The following CIMIP7 variants were observed in gnomAD, a reference collection of about 807,000 sequenced individuals.
CIMIP7 encodes the protein ciliary microtubule inner protein 7.
the CIMIP7 span, chr3:49,177,844 G>A: frequency 3.1e-6 from 5 of 1,613,284 alleles, no homozygotes; most frequent in Non-Finnish European, 4.2e-6. Context: ...CCTGGTATGG[G>A]AAGGCTGGAC....
chr3:49,185,118 G>A, the CIMIP7 span, among the ~76,000 whole-genome samples: 18 of 151,856 alleles, frequency 1.2e-4, no homozygotes, highest in East Asian at 3.1e-3. Context: ...AAAATTAGCC[G>A]GGTGTGGTGG....
the CIMIP7 span, chr3:49,178,597 T>C: frequency 6.8e-7 from 1 of 1,463,374 alleles, no homozygotes; most frequent in Non-Finnish European, 9.5e-7. Flanking sequence ...TACCCACCCT[T>C]ACCTGGATCA....
the CIMIP7 span, among the ~76,000 whole-genome samples, chr3:49,184,884 C>T: frequency 1.1e-4 from 16 of 151,874 alleles, no homozygotes; most frequent in Non-Finnish European, 2.1e-4. Flanking sequence ...CCCACCTCGG[C>T]CTCCCAAGTG....
chr3:49,177,908 T>C, the CIMIP7 span: 1 of 1,613,874 alleles, frequency 6.2e-7, no homozygotes, highest in African/African-American at 1.3e-5. Flanking sequence ...GGGCCTGGCC[T>C]GAAATCAGCC....
At chr3:49,190,319 G>C in the CIMIP7 span, among the ~76,000 whole-genome samples, 1 of 152,100 alleles carries the variant, frequency 6.6e-6, no homozygotes, top group Admixed American at 6.6e-5. Context: ...GTATAGAAGT[G>C]TCTTCATCCA....
At chr3:49,184,471 G>T in the CIMIP7 span, among the ~76,000 whole-genome samples, 9 of 152,148 alleles carry the variant, frequency 5.9e-5, no homozygotes, top group East Asian at 1.7e-3. Context: ...ACAGGCATGT[G>T]CCACCACACT....
the CIMIP7 span, chr3:49,178,061 C>T: frequency 3.7e-5 from 58 of 1,572,202 alleles, no homozygotes; most frequent in Admixed American, 1.1e-4. Context: ...CCCTCCTCAA[C>T]GGTATGGGCC....
At chr3:49,185,999 CTTTTT>C in the CIMIP7 span, among the ~76,000 whole-genome samples, 4 of 129,250 alleles carry the variant, frequency 3.1e-5, no homozygotes, top group South Asian at 2.5e-4. Context: ...TTTTATAGCT[CTTTTT>C]TTTTTTTTTT....
At chr3:49,185,965 G>A in the CIMIP7 span, among the ~76,000 whole-genome samples, 191 of 150,954 alleles carry the variant, frequency 1.3e-3, 1 homozygote, top group African/African-American at 4.2e-3. Flanking sequence ...GATTATGGGC[G>A]TGAGTCACCG....
chr3:49,183,837 A>ACAGATGAAT, the CIMIP7 span, among the ~76,000 whole-genome samples: 1 of 152,244 alleles, frequency 6.6e-6, no homozygotes, highest in Non-Finnish European at 1.5e-5. Context: ...ATATCCTTTA[A>ACAGATGAAT]CAGATGAATG....
At chr3:49,190,322 T>C in the CIMIP7 span, among the ~76,000 whole-genome samples, 1 of 152,194 alleles carries the variant, frequency 6.6e-6, no homozygotes, top group East Asian at 1.9e-4. Flanking sequence ...TAGAAGTGTC[T>C]TCATCCATCA....
chr3:49,191,104 C>A, the CIMIP7 span, among the ~76,000 whole-genome samples: 1 of 152,196 alleles, frequency 6.6e-6, no homozygotes, highest in African/African-American at 2.4e-5. Flanking sequence ...TCCTATGGCC[C>A]AACCTCTTTG....
At chr3:49,190,588 C>T in the CIMIP7 span, among the ~76,000 whole-genome samples, 12 of 151,638 alleles carry the variant, frequency 7.9e-5, no homozygotes, top group South Asian at 2.1e-4. Context: ...CTCCGCCTCC[C>T]GGGTTCAAGT....
At chr3:49,189,916 A>G in the CIMIP7 span, 1 of 825,708 alleles carries the variant, frequency 1.2e-6, no homozygotes, top group Admixed American at 1.7e-5. Flanking sequence ...AGCCTGTCCC[A>G]GGGATAGGTG....
chr3:49,191,513 A>G, the CIMIP7 span, among the ~76,000 whole-genome samples: 110,849 of 152,028 alleles, frequency 0.73, 40,986 homozygotes, highest in East Asian at 0.99. Flanking sequence ...AGGACTAGGA[A>G]TTTCCACTGG....
chr3:49,191,597 A>G, the CIMIP7 span: 1 of 853,450 alleles, frequency 1.2e-6, no homozygotes, highest in Non-Finnish European at 2.0e-6. Context: ...GGTGACCTCA[A>G]GATGGTGGAG....
the CIMIP7 span, among the ~76,000 whole-genome samples, chr3:49,186,065 A>G: frequency 6.7e-6 from 1 of 149,604 alleles, no homozygotes; most frequent in Non-Finnish European, 1.5e-5. Flanking sequence ...CAATGGCGCA[A>G]TCTCGGCTCA....
chr3:49,188,887 T>A, the CIMIP7 span, among the ~76,000 whole-genome samples: 1 of 152,048 alleles, frequency 6.6e-6, no homozygotes, highest in African/African-American at 2.4e-5. Flanking sequence ...AACTTCTGCC[T>A]CCCAGGTTCA....
the CIMIP7 span, among the ~76,000 whole-genome samples, chr3:49,185,689 C>T: frequency 7.0e-6 from 1 of 143,138 alleles, no homozygotes; most frequent in African/African-American, 2.6e-5. Flanking sequence ...AATTTTAAAG[C>T]TTTTTTTTTT....
Sources: allele counts gnomAD v4.1 joint callset (sites outside exome capture counted in the v4.1 genomes callset), GRCh38; gene constraint gnomAD v4.1.1; transcripts MANE v1.5; gene names NCBI Gene and HGNC (gene_info 2026-07-23, HGNC 2026-07-21).